NPL: variants seen among roughly 807,000 people sequenced by gnomAD.
NPL encodes the protein N-acetylneuraminate pyruvate lyase, also known as N-acetylneuraminate lyase.
A neutral mutation model predicts 41.1 loss-of-function variants in NPL; 32 were observed. That is an observed-to-expected ratio of 0.78 (90% confidence interval 0.59 to 1.05). NPL has a LOEUF of 1.05. Among genes scored for constraint, NPL ranks in the 50% least tolerant of loss-of-function variants. The probability of loss-of-function intolerance (pLI) is 0.00; values close to 1 mark genes in which losing one functional copy is unlikely to be tolerated. For synonymous variants in NPL, 128 were observed against 134.9 expected (o/e 0.95, Z 0.35); for missense variants, 321 against 378.4 (o/e 0.85, Z 1.26).
intron 6 of NPL, 41 bp from the exon 7 acceptor site, chr1:182,814,742 A>G (rs761918172): frequency 5.2e-6 from 8 of 1,527,882 alleles, no homozygotes; most frequent in Non-Finnish European, 7.3e-6. Context: ...TGACTATAGT[A>G]AATCACTTGC....
chr1:182,809,644 G>T (rs1011365832), intron 5 of NPL, among the ~76,000 whole-genome samples: 1 of 151,972 alleles, frequency 6.6e-6, no homozygotes, highest in African/African-American at 2.4e-5. Flanking sequence ...GTGTGTGAAA[G>T]CTTCTTCATC....
At chr1:182,790,649 G>GTTC (rs1475775040) in intron 1 of NPL, among the ~76,000 whole-genome samples, 1 of 138,442 alleles carries the variant, frequency 7.2e-6, no homozygotes, top group Non-Finnish European at 1.5e-5. Flanking sequence ...TGTTGTTGTT[G>GTTC]TTGTTGTTTT....
chr1:182,809,201 T>G (rs752070095), intron 5 of NPL: 9 of 451,050 alleles, frequency 2.0e-5, no homozygotes, highest in Non-Finnish European at 4.0e-5. Context: ...CCATCATAAG[T>G]TGGGGACCAT....
chr1:182,821,790 C>T (rs1667492435), intron 10 of NPL, among the ~76,000 whole-genome samples: 2 of 152,208 alleles, frequency 1.3e-5, no homozygotes, highest in African/African-American at 4.8e-5. Context: ...ATCCACAGTT[C>T]TTGTCTAGCA....
intron 3 of NPL, among the ~76,000 whole-genome samples, chr1:182,798,519 C>T (rs983915700): frequency 1.3e-5 from 2 of 152,124 alleles, no homozygotes; most frequent in Non-Finnish European, 2.9e-5. Flanking sequence ...TGAGCAGCTG[C>T]GCCAGCCAAG....
intron 3 of NPL, among the ~76,000 whole-genome samples, chr1:182,802,448 G>A (rs990363330): frequency 6.6e-6 from 1 of 151,552 alleles, no homozygotes; most frequent in Admixed American, 6.6e-5. Context: ...TGATGCCTTT[G>A]TTTCCTAGAT....
intron 6 of NPL, among the ~76,000 whole-genome samples, chr1:182,813,468 T>G (rs892188482): frequency 9.9e-5 from 15 of 152,248 alleles, no homozygotes; most frequent in Non-Finnish European, 1.8e-4. Context: ...TCCTCTTACA[T>G]TTGATTTGCT....
At chr1:182,806,048 C>A in intron 4 of NPL, 97 bp from the exon 5 acceptor site, 1 of 1,394,648 alleles carries the variant, frequency 7.2e-7, no homozygotes, top group Non-Finnish European at 1.0e-6. Flanking sequence ...TCCTGACCAT[C>A]CTCAGTGCAG....
intron 11 of NPL, among the ~76,000 whole-genome samples, chr1:182,822,781 T>C (rs1667525052): frequency 6.6e-6 from 1 of 152,180 alleles, no homozygotes; most frequent in South Asian, 2.1e-4. Context: ...CCAGAGGACA[T>C]AGTGGCTGCT....
At position 182,822,145 on chromosome 1, in the gene NPL, C is replaced by T. The variant is rs778300441; in HGVS notation, c.684C>T (p.Asn228=). The T allele has an allele frequency of 9.3e-6, 15 of 1,613,574 alleles. No individual in the cohort carries two copies. The highest frequency in any genetic ancestry group is 1.3e-5 in the Non-Finnish European group (15 of 1,179,470). Residue 228 remains asparagine (N), a synonymous_variant, in exon 11 of 13, where the codon AAC becomes AAT. Transcript: ENST00000367553. ...STYNYLGKKT[N]QMLEAFEQKD... ...ATAACTACCTGGGAAAAAAGACAAA[C>T]CAGATGTTGGAGGCTTTTGAACAAA...
chr1:182,790,993 G>T (rs1666498420), intron 1 of NPL, among the ~76,000 whole-genome samples: 1 of 152,136 alleles, frequency 6.6e-6, no homozygotes, highest in African/African-American at 2.4e-5. Flanking sequence ...AGTTTGCAAA[G>T]GCAGCAAACT....
At chr1:182,800,269 C>A (rs1414168936) in intron 3 of NPL, among the ~76,000 whole-genome samples, 1 of 151,704 alleles carries the variant, frequency 6.6e-6, no homozygotes, top group Non-Finnish European at 1.5e-5. Context: ...AACCCTGTCT[C>A]TACAAAAAAT....
intron 7 of NPL, among the ~76,000 whole-genome samples, 196 bp downstream of exon 7, chr1:182,815,054 T>C (rs1215391589): frequency 6.6e-6 from 1 of 152,234 alleles, no homozygotes; most frequent in Non-Finnish European, 1.5e-5. Flanking sequence ...ACTTCAGTTC[T>C]TTTGCCCAGT....
At chr1:182,811,465 G>A (rs900399042) in intron 5 of NPL, among the ~76,000 whole-genome samples, 15 of 152,072 alleles carry the variant, frequency 9.9e-5, no homozygotes, top group South Asian at 2.1e-4. Context: ...CTGAGCTCAC[G>A]CAATCTGCCC....
rs954965758 is a variant in NPL, at chr1:182,806,615, A to AGC, written c.230+386_230+387dup. 7 of 1,437,392 alleles carry AGC rather than the reference A, an allele frequency of 4.9e-6. No individual in the cohort carries two copies. In the African/African-American group the frequency reaches 9.9e-5, roughly 20 times the overall value. 89.0% of individuals were successfully genotyped at this position (1,437,392 alleles called of 1,614,324 possible). A position where few individuals can be genotyped will look rare whatever the true frequency, so the allele number is the denominator to read the frequency against. On this transcript the variant is annotated intron_variant, in intron 5 of 12. Coordinates refer to ENST00000367553, the MANE Select transcript of NPL (RefSeq NM_030769.3). ...TCACACCCCTTCCCTTCTTGGGATG[A>AGC]GCGCCTGATGCTTGTATTGGCCCAC...
chr1:182,807,030 G>A (rs1045205254), intron 5 of NPL, among the ~76,000 whole-genome samples: 2 of 152,030 alleles, frequency 1.3e-5, no homozygotes, highest in Non-Finnish European at 2.9e-5. Context: ...AATAGAGATG[G>A]GGTTTCACTG....
At position 182,806,238 on chromosome 1, in the gene NPL, T is replaced by G; in HGVS notation, c.230+6T>G. ...GTGACAAAAGGGAAGGACAAGTGAG[T>G]GGCTGCATGAGGATAAAAATGCCCT... On this transcript the variant is annotated splice_donor_region_variant and intron_variant, in intron 5 of 12. Transcript: ENST00000367553. 6.2e-7 allele frequency: 1 copy of G among 1,614,054 alleles called. No homozygotes were observed. Among genetic ancestry groups the G allele is most frequent in the East Asian group, 2.2e-5 (1 of 44,864 alleles).
intron 2 of NPL, 146 bp downstream of exon 2, chr1:182,792,432 T>C (rs1036132624): frequency 1.3e-5 from 2 of 152,202 alleles, no homozygotes; most frequent in Admixed American, 6.5e-5. Context: ...GGTGAAGATA[T>C]ACAGCAGGCA....
At chr1:182,827,781 C>T (rs557874268) in intron 12 of NPL, among the ~76,000 whole-genome samples, 2 of 152,236 alleles carry the variant, frequency 1.3e-5, no homozygotes, top group South Asian at 4.1e-4. Context: ...GCTGGTTCTC[C>T]TGCTGCTGCT....
Sources: allele counts gnomAD v4.1 joint callset (sites outside exome capture counted in the v4.1 genomes callset), GRCh38; gene constraint gnomAD v4.1.1; transcripts MANE v1.5; gene names NCBI Gene and HGNC (gene_info 2026-07-23, HGNC 2026-07-21).